KCNIP4: variants seen among roughly 807,000 people sequenced by gnomAD.
The protein encoded by KCNIP4 is potassium voltage-gated channel interacting protein 4, also known as Kv channel-interacting protein 4.
In KCNIP4, 12 loss-of-function variants were observed where a neutral mutation model predicts 34.0. The ratio of observed to expected loss-of-function variants is 0.35; its 90% confidence interval spans 0.23 to 0.57. The LOEUF (loss-of-function observed/expected upper bound fraction) is 0.57, where lower values mean the gene tolerates loss of function less well. KCNIP4 is among the 20% of genes least tolerant of loss of function. The pLI is 0.83. For missense variants in KCNIP4, 238 were observed against 311.7 expected (o/e 0.76, Z 1.78); for synonymous variants, 124 against 102.2 (o/e 1.21, Z -1.29).
intron 1 of KCNIP4, chr4:21,763,046 A>G (rs1254400844): frequency 1.6e-6 from 2 of 1,288,766 alleles, no homozygotes; most frequent in South Asian, 2.5e-5. Context: ...GATTGAATGG[A>G]CATATGCACA....
At chr4:21,058,786 T>C (rs1743643047) in intron 1 of KCNIP4, among the ~76,000 whole-genome samples, 3 of 152,126 alleles carry the variant, frequency 2.0e-5, no homozygotes, top group Non-Finnish European at 2.9e-5. Flanking sequence ...AGCCACACTA[T>C]GTTTGACTCA....
intron 1 of KCNIP4, among the ~76,000 whole-genome samples, chr4:21,009,898 T>G (rs1243764617): frequency 6.6e-6 from 1 of 152,210 alleles, no homozygotes; most frequent in Non-Finnish European, 1.5e-5. Flanking sequence ...GTGTGCCTAC[T>G]TTCTTTGTCA....
At chr4:21,038,487 T>A (rs1741660207) in intron 1 of KCNIP4, among the ~76,000 whole-genome samples, 1 of 152,114 alleles carries the variant, frequency 6.6e-6, no homozygotes, top group South Asian at 2.1e-4. Context: ...CTGGCCTCCT[T>A]CTCCCACTTT....
chr4:21,438,976 C>A (rs1019105349), intron 1 of KCNIP4, among the ~76,000 whole-genome samples: 1 of 152,158 alleles, frequency 6.6e-6, no homozygotes, highest in East Asian at 1.9e-4. Context: ...TCCTGGCTAA[C>A]ATGGTGAAAC....
chr4:20,837,679 TATATA>T (rs1719214280), intron 3 of KCNIP4, among the ~76,000 whole-genome samples: 1 of 80,922 alleles, frequency 1.2e-5, no homozygotes. Flanking sequence ...TATATATATA[TATATA>T]TATTTTTTTT....
intron 1 of KCNIP4, among the ~76,000 whole-genome samples, chr4:21,400,041 C>A (rs1483747468): frequency 2.0e-5 from 3 of 152,258 alleles, no homozygotes; most frequent in East Asian, 3.9e-4. Flanking sequence ...TGTTCCAAAT[C>A]CCTTTTTCCT....
intron 1 of KCNIP4, among the ~76,000 whole-genome samples, chr4:21,141,931 C>T (rs1237601197): frequency 1.3e-5 from 2 of 151,550 alleles, no homozygotes; most frequent in Non-Finnish European, 2.9e-5. Context: ...GTGTGTGGAT[C>T]ACGAGGTCAG....
At chr4:20,868,488 G>A (rs1471624881) in intron 2 of KCNIP4, among the ~76,000 whole-genome samples, 1 of 151,998 alleles carries the variant, frequency 6.6e-6, no homozygotes, top group Non-Finnish European at 1.5e-5. Flanking sequence ...ACATTACTGG[G>A]TACACACCCA....
intron 1 of KCNIP4, among the ~76,000 whole-genome samples, chr4:21,488,018 A>G (rs1198444566): frequency 6.6e-6 from 1 of 152,154 alleles, no homozygotes; most frequent in Admixed American, 6.6e-5. Flanking sequence ...AAATCTGTGC[A>G]CTAGATATGT....
At chr4:21,742,022 G>T (rs1045132364) in intron 1 of KCNIP4, among the ~76,000 whole-genome samples, 2 of 152,074 alleles carry the variant, frequency 1.3e-5, no homozygotes, top group African/African-American at 4.8e-5. Flanking sequence ...AGGCAACAGA[G>T]CGAGACTCCA....
At chr4:21,834,146 G>T (rs1723172775) in intron 1 of KCNIP4, among the ~76,000 whole-genome samples, 1 of 152,126 alleles carries the variant, frequency 6.6e-6, no homozygotes, top group Non-Finnish European at 1.5e-5. Flanking sequence ...TTGGTAGCTT[G>T]ATGGGGATGG....
chr4:21,387,850 G>A (rs940852910), intron 1 of KCNIP4, among the ~76,000 whole-genome samples: 2 of 152,154 alleles, frequency 1.3e-5, no homozygotes, highest in African/African-American at 2.4e-5. Context: ...CGAAATGTCA[G>A]CCATTGTCAA....
chr4:21,072,778 G>A (rs990897944), intron 1 of KCNIP4, among the ~76,000 whole-genome samples: 2 of 152,016 alleles, frequency 1.3e-5, no homozygotes, highest in African/African-American at 4.8e-5. Context: ...TATGGTTTTG[G>A]GTCTAACATG....
intron 1 of KCNIP4, among the ~76,000 whole-genome samples, chr4:21,130,852 T>C (rs1403497930): frequency 6.6e-6 from 1 of 152,204 alleles, no homozygotes; most frequent in Non-Finnish European, 1.5e-5. Flanking sequence ...CATTGAGTTA[T>C]AATGGGGTTA....
rs1369357872 is a variant in KCNIP4 at position 21,760,480 on chromosome 4, T to C, written c.61+188091A>G. ...TATTAAAGTAAAATTCTAAATTTGT[T>C]CAATAAAACAGGCAAATTATGGGTT... On this transcript the variant is annotated intron_variant, in intron 1 of 8. Transcript: ENST00000382152. 1.1e-4 allele frequency among the ~76,000 whole-genome samples: 16 copies of C among 152,236 alleles called. No homozygotes were observed. The East Asian group carries it at 2.9e-3, about 28-fold the overall frequency.
At chr4:21,014,415 C>T (rs1255971636) in intron 1 of KCNIP4, among the ~76,000 whole-genome samples, 1 of 152,084 alleles carries the variant, frequency 6.6e-6, no homozygotes, top group Admixed American at 6.6e-5. Context: ...AAGGAAACAT[C>T]CAAATTTATT....
intron 1 of KCNIP4, among the ~76,000 whole-genome samples, chr4:21,536,793 A>T (rs1246522959): frequency 6.6e-6 from 1 of 151,966 alleles, no homozygotes; most frequent in African/African-American, 2.4e-5. Flanking sequence ...AAAAAAAAAA[A>T]GTAACACTTT....
chr4:21,442,125 G>T (rs1727533194), intron 1 of KCNIP4, among the ~76,000 whole-genome samples: 1 of 152,100 alleles, frequency 6.6e-6, no homozygotes, highest in Non-Finnish European at 1.5e-5. Flanking sequence ...TCAAGAAATT[G>T]TACTCTGCAC....
chr4:21,011,588 G>C (rs1739073379), intron 1 of KCNIP4, among the ~76,000 whole-genome samples: 1 of 152,042 alleles, frequency 6.6e-6, no homozygotes, highest in African/African-American at 2.4e-5. Flanking sequence ...CAGATCACAG[G>C]GCACATATGT....
Sources: gnomAD v4.1 joint callset for allele counts (sites outside exome capture counted in the v4.1 genomes callset) on GRCh38, gnomAD v4.1.1 for gene constraint, MANE v1.5 for transcripts, NCBI Gene and HGNC (gene_info 2026-07-23, HGNC 2026-07-21) for gene names.